The following SPART variants were observed in gnomAD, a reference collection of about 807,000 sequenced individuals.
The protein encoded by SPART is spastic paraplegia 20 (Troyer syndrome).
A neutral mutation model predicts 58.7 loss-of-function variants in SPART; 35 were observed. The ratio of observed to expected loss-of-function variants is 0.60; its 90% CI spans 0.46 to 0.79. SPART has a LOEUF of 0.79. Among genes scored for constraint, SPART ranks in the 30% least tolerant of loss-of-function variants. SPART has a pLI of 0.00. For synonymous variants in SPART, 284 were observed against 280.7 expected (o/e 1.01, Z -0.12); for missense variants, 730 against 786.1 (o/e 0.93, Z 0.85).
rs1196220614 is a variant in SPART at position 36,335,529 on chromosome 13, G to A, written c.302C>T (p.Thr101Ile). 1 of 1,614,174 alleles carries A rather than the reference G, an allele frequency of 6.2e-7. No individual in the cohort carries two copies. Among genetic ancestry groups the A allele is most frequent in the Non-Finnish European group, 8.5e-7 (1 of 1,180,030 alleles). Reference protein sequence around the residue: ...RLEILEKGLATSLQNDLQEVP... With the variant: ...RLEILEKGLAISLQNDLQEVP... Reference sequence around the variant, plus strand: ...CTCCTGAAGATCATTCTGCAGAGAAGTGGCAAGACCCTTCTCTAGAATTTC... The same window carrying A: ...CTCCTGAAGATCATTCTGCAGAGAAATGGCAAGACCCTTCTCTAGAATTTC... Residue 101 changes from threonine (T) to isoleucine (I), a missense_variant, in exon 2 of 9, where the codon ACT becomes ATT. Coordinates refer to ENST00000438666, the MANE Select transcript of SPART (RefSeq NM_015087.5).
Position 36,314,319 on chromosome 13 carries a change from T to C in SPART, c.1391A>G (p.Glu464Gly), listed in dbSNP as rs1461195359. The C allele has an allele frequency of 1.2e-6, 2 of 1,614,102 alleles. No homozygotes were observed. Among genetic ancestry groups the C allele is most frequent in the Non-Finnish European group, 1.7e-6 (2 of 1,180,040 alleles). Residue 464 changes from glutamate to glycine, a missense_variant, in exon 6 of 9, where the codon GAA becomes GGA. Glu to Gly is a moderately conservative substitution (Grantham distance 98). Coordinates refer to ENST00000438666, the MANE Select transcript of SPART (RefSeq NM_015087.5). The stretch of plus-strand genomic sequence containing the variant: ...AGCTGGACTAACTTCCACGGGTTTT[T>C]CTTCTGGTTGAATCCGCTCTCGGAG... ...SKLRERIQPE[E>G]KPVEVSPAVT...
intron 8 of SPART, among the ~76,000 whole-genome samples, chr13:36,306,695 T>C (rs762358790): frequency 9.9e-5 from 15 of 152,200 alleles, no homozygotes; most frequent in Non-Finnish European, 1.8e-4. Flanking sequence ...CTTGTTAATT[T>C]TGTCTGTTTT....
At chr13:36,343,881 A>G (rs1423757251) in intron 1 of SPART, among the ~76,000 whole-genome samples, 2 of 152,118 alleles carry the variant, frequency 1.3e-5, no homozygotes, top group African/African-American at 4.8e-5. Context: ...ATTATCTGTC[A>G]AGAAAATTAA....
At chr13:36,309,606 C>A (rs1472566956) in intron 8 of SPART, among the ~76,000 whole-genome samples, 2 of 152,090 alleles carry the variant, frequency 1.3e-5, no homozygotes, top group African/African-American at 4.8e-5. Flanking sequence ...AGCTGGAGGC[C>A]ATTATTCTAA....
Position 36,312,405 on chromosome 13 carries a change from T to C in SPART, c.1556A>G (p.Lys519Arg), listed in dbSNP as rs1881221418. 1 of 1,614,046 alleles carries C rather than the reference T, an allele frequency of 6.2e-7. No homozygotes were observed. The highest frequency in any genetic ancestry group is 8.5e-7 in the Non-Finnish European group (1 of 1,180,026). ...LAPHVKKHGS[K>R]LVPESLKKDK... ...TTTTTTAAGAGATTCTGGAACAAGT[T>C]TGCTTCCATGCTTCTTGACATGTGG... The change falls in exon 7 of 9, where the codon AAA becomes AGA. Residue 519 changes from lysine to arginine, a missense_variant. Lys to Arg is a conservative substitution (Grantham distance 26, BLOSUM62 2). Coordinates refer to ENST00000438666, the MANE Select transcript of SPART (RefSeq NM_015087.5).
chr13:36,345,301 C>G (rs1400254588), intron 1 of SPART, among the ~76,000 whole-genome samples: 1 of 152,176 alleles, frequency 6.6e-6, no homozygotes, highest in Non-Finnish European at 1.5e-5. Context: ...AGAAAGGCTT[C>G]CTGTTTCAAA....
chr13:36,317,211 C>T (rs890047081), intron 5 of SPART, among the ~76,000 whole-genome samples: 18 of 152,196 alleles, frequency 1.2e-4, no homozygotes, highest in African/African-American at 4.3e-4. Context: ...CTTGGTCCTT[C>T]ACCCTTAGCG....
At chr13:36,350,753 G>A (rs1885377512), upstream of SPART, among the ~76,000 whole-genome samples, 1 of 152,132 alleles carries the variant, frequency 6.6e-6, no homozygotes, top group South Asian at 2.1e-4. Flanking sequence ...TGAAATCATG[G>A]CACTTTTGGG....
At chr13:36,313,774 G>A (rs966752396) in intron 6 of SPART, among the ~76,000 whole-genome samples, 1 of 152,150 alleles carries the variant, frequency 6.6e-6, no homozygotes, top group African/African-American at 2.4e-5. Context: ...AGGTTTGTGT[G>A]AGTACATGCT....
At chr13:36,360,645 T>A (rs946629008) in intron 1 of SPART, 1 of 152,664 alleles carries the variant, frequency 6.6e-6, no homozygotes, top group Non-Finnish European at 1.5e-5. Flanking sequence ...TTACTCTCTC[T>A]GTTTTTAGAG....
intron 5 of SPART, among the ~76,000 whole-genome samples, chr13:36,319,130 A>G (rs1230144980): frequency 3.3e-5 from 5 of 149,368 alleles, no homozygotes; most frequent in Non-Finnish European, 3.0e-5. Flanking sequence ...AAACTCCCCA[A>G]CTCTGGTGCC....
chr13:36,344,748 ATCACATTATT>A (rs369781145), intron 1 of SPART, among the ~76,000 whole-genome samples: 13 of 152,296 alleles, frequency 8.5e-5, no homozygotes, highest in Non-Finnish European at 7.4e-5. Context: ...AAAAACCATT[ATCACATTATT>A]TCACATTATT....
intron 6 of SPART, 112 bp downstream of exon 6, chr13:36,314,115 A>T (rs966719448): frequency 2.1e-5 from 23 of 1,110,512 alleles, no homozygotes; most frequent in Middle Eastern, 4.7e-4. Context: ...GCTTTGTCCT[A>T]ATTCTTTATT....
intron 5 of SPART, among the ~76,000 whole-genome samples, chr13:36,325,445 A>G (rs755638801): frequency 5.9e-5 from 9 of 151,968 alleles, no homozygotes; most frequent in Non-Finnish European, 1.3e-4. Context: ...TTGGTTTTTT[A>G]TGTTGAAGAT....
rs1222721989 is a variant in SPART at position 36,335,712 on chromosome 13, T to G, written c.119A>C (p.Glu40Ala). ...GLNTDELGQK[E>A]EAKNYYKQGI... ...TTGCTTATAGTAGTTCTTTGCTTCT[T>G]CCTTCTGACCTAATTCATCTGTATT... Residue 40 changes from glutamate to alanine, a missense_variant, in exon 2 of 9, where the codon GAA becomes GCA. Glu to Ala is a moderately radical substitution (Grantham distance 107). Transcript: ENST00000438666. 2 of 1,614,076 alleles carry G rather than the reference T, an allele frequency of 1.2e-6. No individual in the cohort carries two copies. The highest frequency in any genetic ancestry group is 2.2e-5 in the East Asian group (1 of 44,900).
chr13:36,312,603 C>T (rs1411445291), intron 6 of SPART, 126 bp from the exon 7 acceptor site: 2 of 1,092,288 alleles, frequency 1.8e-6, no homozygotes, highest in East Asian at 5.1e-5. Flanking sequence ...ACAATTTCTT[C>T]TTAAGGATAT....
At chr13:36,339,627 CA>C (rs71084420) in intron 1 of SPART, among the ~76,000 whole-genome samples, 11,705 of 36,588 alleles carry the variant, frequency 0.32, 191 homozygotes, top group East Asian at 0.44. Context: ...ACGACTCCAT[CA>C]AAAAAAAAAA....
intron 5 of SPART, chr13:36,326,315 G>T (rs1412410209): frequency 4.3e-6 from 2 of 460,838 alleles, no homozygotes; most frequent in East Asian, 9.1e-5. Flanking sequence ...GAACTATTAA[G>T]AATTTGAAGA....
At chr13:36,335,924 GT>G in intron 1 of SPART, 92 bp from the exon 2 acceptor site, 1 of 1,015,700 alleles carries the variant, frequency 9.8e-7, no homozygotes, top group Non-Finnish European at 1.5e-6. Context: ...AAGAGGACAA[GT>G]GCCTCGCTTA....
Sources: gnomAD v4.1 joint callset for allele counts (sites outside exome capture counted in the v4.1 genomes callset) on GRCh38, gnomAD v4.1.1 for gene constraint, MANE v1.5 for transcripts, NCBI Gene and HGNC (gene_info 2026-07-23, HGNC 2026-07-21) for gene names.